CEBPZOS: variants seen among roughly 807,000 people sequenced by gnomAD.
The protein encoded by CEBPZOS is CEBPZ opposite strand.
Under a neutral mutation model 4.8 loss-of-function variants are expected in CEBPZOS, and 10 were observed. That is an observed-to-expected ratio of 2.07 (90% CI 1.28 to 3.52). The LOEUF is 3.52. Among genes scored for constraint, CEBPZOS ranks in the 30% most tolerant of loss-of-function variants. CEBPZOS has a pLI of 0.00. For missense variants in CEBPZOS, 98 were observed against 43.6 expected, an observed-to-expected ratio of 2.25 and a Z score of -3.51; for synonymous variants, 25 against 14.2, an observed-to-expected ratio of 1.77 and a Z score of -1.72.
rs1349671274 is a variant in CEBPZOS at position 37,203,205 on chromosome 2, C to T, written c.*1345C>T. ...ATATTTTCAAAAAGCTAACAACATC[C>T]TAATAGAACTGTTCAGATGACAAGA... On this transcript the variant is annotated 3_prime_UTR_variant, in exon 5 of 5. Coordinates refer to ENST00000402297, the MANE Select transcript of CEBPZOS (RefSeq NM_001322374.2). 9.9e-6 allele frequency: 4 copies of T among 402,814 alleles called. No individual in the cohort carries two copies. The highest frequency in any genetic ancestry group is 8.1e-5 in the East Asian group (2 of 24,572). The allele number at this position is 402,814 out of a possible 1,614,324, so 25.0% of individuals were successfully genotyped here.
In CEBPZOS at chr2:37,201,111, A is replaced by G. The variant is rs1290237115; in HGVS notation, c.160+19A>G. 2 of 712,774 alleles carry G rather than the reference A, an allele frequency of 2.8e-6. No homozygotes were observed. The highest frequency in any genetic ancestry group is 2.6e-6 in the Non-Finnish European group (1 of 383,696). 44.2% of individuals were successfully genotyped at this position (712,774 alleles called of 1,614,324 possible). ...TTGGAAGGTATGTTTTTCCTTAAGT[A>G]AAAATAAGTATAAAACAACTTCTTC... On this transcript the variant is annotated intron_variant, in intron 3 of 4. Coordinates refer to ENST00000402297, the MANE Select transcript of CEBPZOS (RefSeq NM_001322374.2).
downstream of CEBPZOS, among the ~76,000 whole-genome samples, chr2:37,206,142 C>G (rs1205442296): frequency 6.6e-6 from 1 of 152,196 alleles, no homozygotes; most frequent in Admixed American, 6.5e-5. Flanking sequence ...ACATGTTGAT[C>G]TGCTGTGCTG....
At chr2:37,198,529 A>G (rs1677058831) in intron 1 of CEBPZOS, 1 of 152,158 alleles carries the variant, frequency 6.6e-6, no homozygotes, top group Admixed American at 6.5e-5. Context: ...TGGAGTAAAC[A>G]CCTGACAGCA....
chr2:37,206,876 CACCA>C (rs1370140987), downstream of CEBPZOS, among the ~76,000 whole-genome samples: 4 of 152,090 alleles, frequency 2.6e-5, no homozygotes, highest in African/African-American at 7.2e-5. Context: ...ACATTTGGAC[CACCA>C]ACCAAGAATC....
chr2:37,201,680 A>G lies in CEBPZOS; in HGVS notation c.199A>G (p.Ile67Val). ...CACTGAGAAGTCTGGAATGTATGGA[A>G]TCAGAGAGCTAGATCAAAAAACATG... ...KSTEKSGMYG[I>V]RELDQKTWLN... The change falls in exon 4 of 5, where the codon ATC (isoleucine) becomes GTC (valine). Residue 67 changes from isoleucine (I) to valine (V), a missense_variant. Coordinates refer to ENST00000402297, the MANE Select transcript of CEBPZOS (RefSeq NM_001322374.2). 1.2e-6 allele frequency: 1 copy of G among 840,920 alleles called. No individual in the cohort carries two copies. Among genetic ancestry groups the G allele is most frequent in the East Asian group, 2.7e-5 (1 of 37,722 alleles). 52.1% of individuals were successfully genotyped at this position (840,920 alleles called of 1,614,324 possible). A position where few individuals can be genotyped will look rare whatever the true frequency, so the allele number is the denominator to read the frequency against.
intron 1 of CEBPZOS, chr2:37,197,440 TTTC>T (rs1267968090): frequency 6.6e-6 from 1 of 152,252 alleles, no homozygotes; most frequent in Non-Finnish European, 1.5e-5. Flanking sequence ...CGCACTTTAT[TTTC>T]TTTTCTTTTA....
At chr2:37,210,104 T>C in intron 4 of CEBPZOS, 1 of 152,160 alleles carries the variant, frequency 6.6e-6, no homozygotes, top group Admixed American at 6.6e-5. Flanking sequence ...AGAATGGCCG[T>C]AATTTAAAAA....
In CEBPZOS at chr2:37,199,738, A is replaced by T; in HGVS notation, c.34A>T (p.Ile12Phe). The change falls in exon 2 of 5, where the codon ATC becomes TTC. Residue 12 changes from isoleucine (I) to phenylalanine (F), a missense_variant. By Grantham distance (21) the Ile-to-Phe change is conservative. Transcript: ENST00000402297. ...TACTTTGGAACCACTAGCAAAGAAG[A>T]TCTTTAAAGGAGTTTTGGTAGCCGA... Reference protein sequence around the residue: ...ARTLEPLAKKIFKGVLVAELV... With the variant: ...ARTLEPLAKKFFKGVLVAELV... The T allele has an allele frequency of 1.4e-6, 1 of 717,494 alleles. No homozygotes were observed. The highest frequency in any genetic ancestry group is 2.6e-6 in the Non-Finnish European group (1 of 385,070). 44.4% of individuals were successfully genotyped at this position (717,494 alleles called of 1,614,324 possible).
downstream of CEBPZOS, among the ~76,000 whole-genome samples, chr2:37,214,482 A>G (rs767981020): frequency 1.3e-5 from 2 of 152,140 alleles, no homozygotes; most frequent in African/African-American, 2.4e-5. Context: ...ATTAAAATCT[A>G]TATTAAAGGT....
rs767461352 is a variant in CEBPZOS, at chr2:37,210,541, T to C, written c.*3-2896T>C. 302 of 152,728 alleles carry C rather than the reference T, an allele frequency of 2.0e-3. 1 individual carries two copies. Among genetic ancestry groups the C allele is most frequent in the Non-Finnish European group, 3.4e-3 (233 of 68,450 alleles). The allele number at this position is 152,728 out of a possible 1,614,324, so 9.5% of individuals were successfully genotyped here. ...CAGGAATGGAAAACCAAACATTCTATGTTCTCAGTTATAAATGGGAGCTAA... is the reference window on the plus strand; with the variant it reads ...CAGGAATGGAAAACCAAACATTCTACGTTCTCAGTTATAAATGGGAGCTAA... On this transcript the variant is annotated intron_variant, in intron 4 of 4. Transcript: ENST00000397064.
At chr2:37,200,900 TC>T in intron 2 of CEBPZOS, 147 bp from the exon 3 acceptor site, 2 of 575,360 alleles carry the variant, frequency 3.5e-6, no homozygotes, top group Non-Finnish European at 6.3e-6. Flanking sequence ...AGGAGATCGT[TC>T]CTGGATTACC....
chr2:37,197,564 C>A (rs1677006492), intron 1 of CEBPZOS, among the ~76,000 whole-genome samples: 1 of 152,182 alleles, frequency 6.6e-6, no homozygotes, highest in African/African-American at 2.4e-5. Context: ...TTGTTCATTC[C>A]TTGAACATTA....
chr2:37,211,397 C>A, intron 4 of CEBPZOS: 1 of 248,874 alleles, frequency 4.0e-6, no homozygotes, highest in Admixed American at 5.2e-5. Context: ...GTTGGGCAGG[C>A]ATGTGCATGC....
downstream of CEBPZOS, chr2:37,213,924 G>C: frequency 6.3e-7 from 1 of 1,588,648 alleles, no homozygotes. Flanking sequence ...TCTGCATCCC[G>C]TTTTTGTTTC....
At chr2:37,207,762 ATCAAAC>A (rs1331325880), downstream of CEBPZOS, among the ~76,000 whole-genome samples, 1 of 152,200 alleles carries the variant, frequency 6.6e-6, no homozygotes, top group African/African-American at 2.4e-5. Context: ...ACAAGAACAA[ATCAAAC>A]TCAAACCCAG....
In CEBPZOS at chr2:37,203,131, G is replaced by T; in HGVS notation, c.*1271G>T. On this transcript the variant is annotated 3_prime_UTR_variant, in exon 5 of 5. Transcript: ENST00000402297. ...TAAAAACAATTGCAATAATCTTCTG[G>T]CACCATTGGGTAGCTGGCATTTAAA... 1.7e-6 allele frequency: 1 copy of T among 583,852 alleles called. No homozygotes were observed. Among genetic ancestry groups the T allele is most frequent in the Non-Finnish European group, 2.9e-6 (1 of 347,444 alleles). The allele number at this position is 583,852 out of a possible 1,614,324, so 36.2% of individuals were successfully genotyped here. A position where few individuals can be genotyped will look rare whatever the true frequency, so the allele number is the denominator to read the frequency against.
downstream of CEBPZOS, among the ~76,000 whole-genome samples, chr2:37,205,332 G>C (rs1317552033): frequency 2.0e-5 from 3 of 152,094 alleles, no homozygotes; most frequent in African/African-American, 7.2e-5. Context: ...CACAAAAGAA[G>C]TGAAAATGGC....
chr2:37,212,262 G>T, intron 4 of CEBPZOS: 1 of 1,310,522 alleles, frequency 7.6e-7, no homozygotes, highest in South Asian at 1.2e-5. Context: ...ATAGTTCTGT[G>T]GTCTACTGTT....
downstream of CEBPZOS, among the ~76,000 whole-genome samples, chr2:37,206,673 GAAACA>G (rs772845517): frequency 2.6e-5 from 4 of 152,064 alleles, no homozygotes; most frequent in Non-Finnish European, 5.9e-5. Context: ...TCTAAATCTT[GAAACA>G]AAACCTTGAA....
Sources: allele counts gnomAD v4.1 joint callset (sites outside exome capture counted in the v4.1 genomes callset), GRCh38; gene constraint gnomAD v4.1.1; transcripts MANE v1.5; gene names NCBI Gene and HGNC (gene_info 2026-07-23, HGNC 2026-07-21).